Variants in FRMD6 observed in about 807,000 individuals in gnomAD.
FRMD6 encodes FERM domain-containing protein 6.
Under a neutral mutation model 73.2 loss-of-function variants are expected in FRMD6, and 37 were observed. The ratio of observed to expected loss-of-function variants is 0.51; its 90% CI spans 0.39 to 0.66. The LOEUF (loss-of-function observed/expected upper bound fraction) is 0.66, where lower values mean the gene tolerates loss of function less well. FRMD6 is among the 30% of genes least tolerant of loss of function. The pLI, the probability that FRMD6 is intolerant of heterozygous loss-of-function variation, is 0.00. For synonymous variants in FRMD6, 273 were observed against 282.2 expected, an observed-to-expected ratio of 0.97 and a Z score of 0.33; for missense variants, 714 against 780.5, an observed-to-expected ratio of 0.91 and a Z score of 1.02.
intron 1 of FRMD6, among the ~76,000 whole-genome samples, chr14:51,529,228 G>A (rs571053373): frequency 6.6e-6 from 1 of 152,326 alleles, no homozygotes; most frequent in South Asian, 2.1e-4. Flanking sequence ...TTAAATCCTA[G>A]TTGTACTTCT....
chr14:51,578,406 G>A (rs567669394), intron 2 of FRMD6, among the ~76,000 whole-genome samples: 11 of 152,342 alleles, frequency 7.2e-5, no homozygotes, highest in Admixed American at 6.5e-4. Context: ...AAAGTCAAAA[G>A]GATTCCAAAG....
At chr14:51,582,011 T>C (rs1888753011) in intron 2 of FRMD6, among the ~76,000 whole-genome samples, 1 of 152,224 alleles carries the variant, frequency 6.6e-6, no homozygotes, top group Non-Finnish European at 1.5e-5. Context: ...TTATCTTTTA[T>C]CTTAGTAGAC....
intron 1 of FRMD6, among the ~76,000 whole-genome samples, chr14:51,554,067 A>G (rs1446785108): frequency 6.6e-6 from 1 of 152,164 alleles, no homozygotes; most frequent in Non-Finnish European, 1.5e-5. Flanking sequence ...CACCCTGTAG[A>G]GCCAGAAAAT....
intron 1 of FRMD6, among the ~76,000 whole-genome samples, chr14:51,516,823 C>T (rs1038104173): frequency 2.6e-5 from 4 of 152,132 alleles, no homozygotes; most frequent in African/African-American, 9.7e-5. Context: ...TATGGGATGT[C>T]GAGTCCCTGG....
At chr14:51,537,154 T>C (rs147509729) in intron 1 of FRMD6, among the ~76,000 whole-genome samples, 2 of 152,364 alleles carry the variant, frequency 1.3e-5, no homozygotes, top group Admixed American at 6.5e-5. Context: ...TTTACTTTCC[T>C]CAAAACCCTT....
chr14:51,654,116 C>G (rs1047390158), intron 1 of FRMD6, among the ~76,000 whole-genome samples: 6 of 152,098 alleles, frequency 3.9e-5, no homozygotes, highest in African/African-American at 1.2e-4. Flanking sequence ...CAAGGGTAAG[C>G]TGCTAGTTTT....
chr14:51,526,683 C>T (rs1885273990), intron 1 of FRMD6, among the ~76,000 whole-genome samples: 11 of 152,202 alleles, frequency 7.2e-5, no homozygotes, highest in Admixed American at 5.9e-4. Flanking sequence ...AACACAACAA[C>T]CACTTTTTAT....
At chr14:51,417,962 A>G in the FRMD6 span, among the ~76,000 whole-genome samples, 4 of 152,124 alleles carry the variant, frequency 2.6e-5, no homozygotes, top group African/African-American at 9.7e-5. Flanking sequence ...AAGCTTGTGC[A>G]TGTGTCATGT....
At chr14:51,467,525 C>A in the FRMD6 span, among the ~76,000 whole-genome samples, 2 of 152,182 alleles carry the variant, frequency 1.3e-5, no homozygotes, top group African/African-American at 4.8e-5. Flanking sequence ...GGGCTCCTCA[C>A]TTCCCAGAAG....
At chr14:51,413,877 T>C in the FRMD6 span, among the ~76,000 whole-genome samples, 1 of 152,250 alleles carries the variant, frequency 6.6e-6, no homozygotes, top group Non-Finnish European at 1.5e-5. Flanking sequence ...GGTATCTCAC[T>C]GTGGTTTTGA....
chr14:51,426,631 A>G, the FRMD6 span, among the ~76,000 whole-genome samples: 1 of 152,370 alleles, frequency 6.6e-6, no homozygotes, highest in East Asian at 1.9e-4. Context: ...CCTTGAATGC[A>G]GATCAGCTAC....
intron 2 of FRMD6, among the ~76,000 whole-genome samples, chr14:51,693,034 ATT>A (rs1895710797): frequency 6.6e-6 from 1 of 152,148 alleles, no homozygotes; most frequent in Non-Finnish European, 1.5e-5. Context: ...TGGGTACTGA[ATT>A]TGTATTAGCT....
At chr14:51,611,049 C>T (rs146448171) in intron 2 of FRMD6, among the ~76,000 whole-genome samples, 13 of 152,206 alleles carry the variant, frequency 8.5e-5, no homozygotes, top group Admixed American at 1.3e-4. Flanking sequence ...GAGAAGAAAT[C>T]GAGTAATCTT....
chr14:51,558,238 G>A (rs1308915220), intron 1 of FRMD6, among the ~76,000 whole-genome samples: 2 of 152,082 alleles, frequency 1.3e-5, no homozygotes, highest in African/African-American at 4.8e-5. Context: ...GAAGGCTAAG[G>A]TGGCAGATCA....
At chr14:51,519,432 G>T (rs924616115) in intron 1 of FRMD6, among the ~76,000 whole-genome samples, 10 of 152,186 alleles carry the variant, frequency 6.6e-5, no homozygotes, top group African/African-American at 2.4e-4. Flanking sequence ...TTACAGGTGT[G>T]AGCCACTGCA....
At chr14:51,574,955 T>G (rs570732097) in intron 2 of FRMD6, among the ~76,000 whole-genome samples, 3 of 152,292 alleles carry the variant, frequency 2.0e-5, no homozygotes, top group Non-Finnish European at 4.4e-5. Flanking sequence ...TATATACACA[T>G]AGTATGTACC....
chr14:51,403,103 T>C, the FRMD6 span, among the ~76,000 whole-genome samples: 10 of 152,202 alleles, frequency 6.6e-5, no homozygotes, highest in East Asian at 1.9e-3. Context: ...TGCTTGATGG[T>C]ATTTTCAAAA....
chr14:51,597,074 C>T (rs1889758483), intron 2 of FRMD6, among the ~76,000 whole-genome samples: 1 of 152,194 alleles, frequency 6.6e-6, no homozygotes, highest in African/African-American at 2.4e-5. Flanking sequence ...AGCAATGTTA[C>T]CTATGATGTG....
chr14:51,497,752 C>T (rs1883388428), intron 1 of FRMD6, among the ~76,000 whole-genome samples: 1 of 152,180 alleles, frequency 6.6e-6, no homozygotes, highest in African/African-American at 2.4e-5. Flanking sequence ...CAAAACATCT[C>T]AATTTGGACT....
Sources: gnomAD v4.1 joint callset for allele counts (sites outside exome capture counted in the v4.1 genomes callset) on GRCh38, gnomAD v4.1.1 for gene constraint, MANE v1.5 for transcripts, NCBI Gene and HGNC (gene_info 2026-07-23, HGNC 2026-07-21) for gene names.